CNTNAP2: variants seen among roughly 807,000 people sequenced by gnomAD.
CNTNAP2 encodes contactin-associated protein-like 2.
CNTNAP2 carries 98 observed loss-of-function variants against 155.2 expected under a neutral mutation model. The observed-to-expected ratio is 0.63, with a 90% CI of 0.54 to 0.75. CNTNAP2 has a LOEUF of 0.75. Among genes scored for constraint, CNTNAP2 ranks in the 30% least tolerant of loss-of-function variants. The pLI is 0.00. For missense variants in CNTNAP2, 1,727 were observed against 1,688.1 expected, an observed-to-expected ratio of 1.02 and a Z score of -0.40; for synonymous variants, 651 against 631.2, an observed-to-expected ratio of 1.03 and a Z score of -0.47.
At chr7:147,896,415 C>T (rs992632036) in intron 13 of CNTNAP2, among the ~76,000 whole-genome samples, 2 of 152,180 alleles carry the variant, frequency 1.3e-5, no homozygotes, top group African/African-American at 4.8e-5. Context: ...GAGAGTAACT[C>T]ACGCAGAGCC....
intron 13 of CNTNAP2, among the ~76,000 whole-genome samples, chr7:147,771,712 T>C (rs908962087): frequency 6.6e-6 from 1 of 152,208 alleles, no homozygotes; most frequent in Admixed American, 6.5e-5. Context: ...GGATTTGAAG[T>C]TGTCTGGCTC....
chr7:148,092,946 T>C (rs1448381213), intron 15 of CNTNAP2, among the ~76,000 whole-genome samples: 1 of 148,958 alleles, frequency 6.7e-6, no homozygotes, highest in Non-Finnish European at 1.5e-5. Context: ...ACAACACAGA[T>C]AAACAGTTTA....
chr7:147,802,251 A>G (rs1312005579), intron 13 of CNTNAP2, among the ~76,000 whole-genome samples: 2 of 147,790 alleles, frequency 1.4e-5, no homozygotes, highest in Admixed American at 6.8e-5. Context: ...CACTTCCCAG[A>G]TGGGATGGCG....
intron 1 of CNTNAP2, among the ~76,000 whole-genome samples, chr7:146,254,138 C>T (rs1238135310): frequency 7.3e-6 from 1 of 136,294 alleles, no homozygotes; most frequent in African/African-American, 3.6e-5. Context: ...TGCACACACA[C>T]ACACACACAC....
intron 9 of CNTNAP2, among the ~76,000 whole-genome samples, chr7:147,305,805 G>T (rs1795015829): frequency 6.6e-6 from 1 of 152,138 alleles, no homozygotes. Flanking sequence ...ATGTTCTGGA[G>T]GCTGGAAGTC....
At chr7:148,247,643 A>T (rs1308501773) in intron 20 of CNTNAP2, among the ~76,000 whole-genome samples, 59 of 129,726 alleles carry the variant, frequency 4.5e-4, no homozygotes, top group African/African-American at 1.4e-3. Context: ...TTATTTATTT[A>T]TTTATTTATT....
At chr7:148,038,380 C>T (rs760296037) in intron 15 of CNTNAP2, among the ~76,000 whole-genome samples, 2 of 152,242 alleles carry the variant, frequency 1.3e-5, no homozygotes, top group Non-Finnish European at 2.9e-5. Flanking sequence ...TCCTTTGAGA[C>T]TCAGTTCAAG....
intron 13 of CNTNAP2, among the ~76,000 whole-genome samples, chr7:147,894,965 CTTTT>C (rs1175962918): frequency 2.8e-5 from 1 of 36,180 alleles, no homozygotes; most frequent in Non-Finnish European, 4.6e-5. Flanking sequence ...TTCTTTCTTT[CTTTT>C]TTTTTTTTTT....
intron 13 of CNTNAP2, among the ~76,000 whole-genome samples, chr7:147,708,655 T>A (rs1455521027): frequency 6.6e-6 from 1 of 152,118 alleles, no homozygotes; most frequent in Admixed American, 6.5e-5. Flanking sequence ...GAACCTGGAC[T>A]GTTGGGGGTC....
intron 3 of CNTNAP2, among the ~76,000 whole-genome samples, chr7:147,037,780 A>G (rs1197615728): frequency 1.3e-5 from 2 of 152,178 alleles, no homozygotes; most frequent in Admixed American, 1.3e-4. Context: ...TTTAAATAAT[A>G]GATATATACA....
intron 9 of CNTNAP2, among the ~76,000 whole-genome samples, chr7:147,329,053 C>T (rs1795509619): frequency 1.3e-5 from 2 of 152,082 alleles, no homozygotes; most frequent in South Asian, 2.1e-4. Context: ...TACCTTGAAA[C>T]TGCAATGAAA....
chr7:148,223,932 C>T (rs1425720370), intron 19 of CNTNAP2, among the ~76,000 whole-genome samples: 1 of 152,168 alleles, frequency 6.6e-6, no homozygotes, highest in South Asian at 2.1e-4. Flanking sequence ...ATTGCCGGTT[C>T]CTCCGACCTC....
intron 1 of CNTNAP2, among the ~76,000 whole-genome samples, chr7:146,761,869 G>A (rs1248346340): frequency 6.6e-6 from 1 of 151,958 alleles, no homozygotes; most frequent in Non-Finnish European, 1.5e-5. Flanking sequence ...GAAGACATGA[G>A]GAGAAATGAA....
At chr7:148,021,894 T>C (rs1802285459) in intron 15 of CNTNAP2, among the ~76,000 whole-genome samples, 1 of 152,174 alleles carries the variant, frequency 6.6e-6, no homozygotes, top group Admixed American at 6.5e-5. Context: ...GTATACCTGC[T>C]CCACCTTTCC....
At chr7:147,028,169 C>T (rs1041149348) in intron 3 of CNTNAP2, among the ~76,000 whole-genome samples, 4 of 152,160 alleles carry the variant, frequency 2.6e-5, no homozygotes, top group African/African-American at 9.7e-5. Flanking sequence ...AGAATACCAA[C>T]TGCACCAAAA....
chr7:147,814,006 T>A (rs1048568291), intron 13 of CNTNAP2, among the ~76,000 whole-genome samples: 1 of 152,188 alleles, frequency 6.6e-6, no homozygotes, highest in Non-Finnish European at 1.5e-5. Context: ...TAACATTTAC[T>A]GTTCGGCACT....
intron 3 of CNTNAP2, among the ~76,000 whole-genome samples, chr7:146,844,998 A>T (rs1803814502): frequency 6.6e-6 from 1 of 152,168 alleles, no homozygotes; most frequent in Admixed American, 6.5e-5. Context: ...AATTCATATT[A>T]TCTAAGAAGT....
At chr7:147,825,825 C>G (rs1319557374) in intron 13 of CNTNAP2, among the ~76,000 whole-genome samples, 1 of 152,082 alleles carries the variant, frequency 6.6e-6, no homozygotes, top group Non-Finnish European at 1.5e-5. Context: ...TCTCTCTGCA[C>G]TGAGGAGGCC....
chr7:146,790,701 C>T (rs2086345926), intron 2 of CNTNAP2, among the ~76,000 whole-genome samples: 1 of 151,988 alleles, frequency 6.6e-6, no homozygotes, highest in East Asian at 1.9e-4. Context: ...TCCGGAGTAG[C>T]TGGGACTACA....
Sources: allele counts gnomAD v4.1 joint callset (sites outside exome capture counted in the v4.1 genomes callset), GRCh38; gene constraint gnomAD v4.1.1; transcripts MANE v1.5; gene names NCBI Gene and HGNC (gene_info 2026-07-23, HGNC 2026-07-21).